The following NCAPD3 variants were observed in gnomAD, a reference collection of about 807,000 sequenced individuals.
NCAPD3 encodes the protein condensin-2 complex subunit D3.
Under a neutral mutation model 182.9 loss-of-function variants are expected in NCAPD3, and 105 were observed. The ratio of observed to expected loss-of-function variants is 0.57; its 90% CI spans 0.49 to 0.68. The LOEUF (loss-of-function observed/expected upper bound fraction) is 0.68, where lower values mean the gene tolerates loss of function less well. Among genes scored for constraint, NCAPD3 ranks in the 30% least tolerant of loss-of-function variants. NCAPD3 has a pLI of 0.00. For synonymous variants in NCAPD3, 815 were observed against 679.9 expected (o/e 1.20, Z -3.09); for missense variants, 1,944 against 1,837.0 (o/e 1.06, Z -1.07).
intron 15 of NCAPD3, 97 bp downstream of exon 15, chr11:134,193,919 A>T (rs1944573634): frequency 3.1e-6 from 4 of 1,305,042 alleles, no homozygotes; most frequent in Admixed American, 2.1e-5. Flanking sequence ...TAGAGTTTTT[A>T]AAGGTCAACT....
chr11:134,183,200 C>T (rs1266182815), intron 19 of NCAPD3: 2 of 455,604 alleles, frequency 4.4e-6, no homozygotes, highest in African/African-American at 2.0e-5. Context: ...TAGTTCTAGT[C>T]CCAGCTCTGC....
Position 134,204,889 on chromosome 11 carries a change from C to A in NCAPD3, c.1089+10G>T, listed in dbSNP as rs1004712003. ...TTCCATGTTATTAATATTACTAAGG[C>A]AAACAGTACCTTGGCACAGATGTGC... On this transcript the variant is annotated intron_variant, in intron 9 of 34. Coordinates refer to ENST00000534548, the MANE Select transcript of NCAPD3 (RefSeq NM_015261.3). The surrounding 1 kb of genome is among the most constrained non-coding windows in gnomAD (Gnocchi z 4.3). 1.9e-6 allele frequency: 3 copies of A among 1,598,980 alleles called. No individual in the cohort carries two copies. Among genetic ancestry groups the A allele is most frequent in the Non-Finnish European group, 2.6e-6 (3 of 1,166,908 alleles).
chr11:134,156,325 G>T (rs550174420), intron 32 of NCAPD3, among the ~76,000 whole-genome samples: 1 of 152,300 alleles, frequency 6.6e-6, no homozygotes, highest in East Asian at 1.9e-4. Flanking sequence ...GGCGCAGAGC[G>T]AGGGGCACAC....
At chr11:134,203,581 G>C in intron 11 of NCAPD3, 73 bp downstream of exon 11, 4 of 1,554,896 alleles carry the variant, frequency 2.6e-6, no homozygotes, top group Non-Finnish European at 3.5e-6. Context: ...CCACAGAAAA[G>C]AACGATTCCC....
intron 2 of NCAPD3, 89 bp downstream of exon 2, chr11:134,220,483 C>A: frequency 7.6e-7 from 1 of 1,318,158 alleles, no homozygotes; most frequent in South Asian, 1.4e-5. Flanking sequence ...GAACTGTACA[C>A]CAAGAAAGCT....
At chr11:134,210,198 G>T in intron 4 of NCAPD3, 72 bp downstream of exon 4, 2 of 1,352,168 alleles carry the variant, frequency 1.5e-6, no homozygotes, top group Non-Finnish European at 2.1e-6. Flanking sequence ...ACCATGTTTA[G>T]TATAAAGTCA....
intron 21 of NCAPD3, 39 bp downstream of exon 21, chr11:134,178,783 C>A (rs112478023): frequency 6.2e-7 from 1 of 1,608,128 alleles, no homozygotes; most frequent in East Asian, 2.2e-5. Flanking sequence ...AACCTTGAAA[C>A]GGCATGCGTG....
chr11:134,222,284 A>C (rs1938259514), intron 1 of NCAPD3, among the ~76,000 whole-genome samples: 1 of 152,254 alleles, frequency 6.6e-6, no homozygotes, highest in African/African-American at 2.4e-5. Flanking sequence ...TACATCACCT[A>C]TTCACTCAAC....
upstream of NCAPD3, chr11:134,224,469 G>GC (rs923235339): frequency 6.4e-6 from 1 of 155,186 alleles, no homozygotes; most frequent in Non-Finnish European, 1.4e-5. Context: ...TAGGGACTGC[G>GC]CGGCACGCGT....
In NCAPD3 at chr11:134,152,643, A is replaced by G. The variant is rs1179294702; in HGVS notation, c.*301T>C. 3.8e-6 allele frequency: 1 copy of G among 262,394 alleles called. No homozygotes were observed. The highest frequency in any genetic ancestry group is 7.1e-6 in the Non-Finnish European group (1 of 140,828). The allele number at this position is 262,394 out of a possible 1,614,324, so 16.3% of individuals were successfully genotyped here. A position where few individuals can be genotyped will look rare whatever the true frequency, so the allele number is the denominator to read the frequency against. On this transcript the variant is annotated 3_prime_UTR_variant, in exon 35 of 35. Transcript: ENST00000534548. Reference sequence around the variant, plus strand: ...GCAGTTTTAAAGTTGTGTTCCTTAAAGACCAGATTATAGCTTATCTGAATG... The same window carrying G: ...GCAGTTTTAAAGTTGTGTTCCTTAAGGACCAGATTATAGCTTATCTGAATG...
At chr11:134,203,115 A>T (rs758392221) in intron 12 of NCAPD3, 27 bp downstream of exon 12, 10 of 1,491,368 alleles carry the variant, frequency 6.7e-6, no homozygotes, top group Non-Finnish European at 9.3e-6. Context: ...TAATCATTCA[A>T]TATTTGAAAA....
chr11:134,203,698 G>C lies in NCAPD3; in HGVS notation c.1424C>G (p.Thr475Ser). 2 of 1,614,050 alleles carry C rather than the reference G, an allele frequency of 1.2e-6. No individual in the cohort carries two copies. The highest frequency in any genetic ancestry group is 1.7e-6 in the Non-Finnish European group (2 of 1,180,036). ...LSSFAHCLEL[T>S]VTSASESILE... ...GATACTCTCCGACGCACTGGTAACA[G>C]TCAACTCCAGACAGTGTGCAAAGCT... is the stretch of plus-strand genomic sequence containing the variant. The change falls in exon 11 of 35, where the codon ACT becomes AGT. Residue 475 changes from threonine (T) to serine (S), a missense_variant. By Grantham distance (58) the Thr-to-Ser change is moderately conservative (BLOSUM62 1). Transcript: ENST00000534548.
chr11:134,157,146 A>T, intron 31 of NCAPD3, 51 bp from the exon 32 acceptor site: 2 of 1,421,630 alleles, frequency 1.4e-6, no homozygotes, highest in South Asian at 2.4e-5. Context: ...ACAATAACGA[A>T]GAGCAAAACA....
intron 13 of NCAPD3, among the ~76,000 whole-genome samples, chr11:134,201,008 GA>G (rs973083701): frequency 2.0e-5 from 3 of 151,568 alleles, no homozygotes; most frequent in Non-Finnish European, 4.4e-5. Context: ...CATTTATGCG[GA>G]ATGTCCAGAA....
chr11:134,167,585 G>A (rs1383951527), intron 27 of NCAPD3, among the ~76,000 whole-genome samples: 5 of 130,606 alleles, frequency 3.8e-5, no homozygotes, highest in South Asian at 2.7e-4. Flanking sequence ...AGATGAGCTT[G>A]GGGGAGGGGC....
intron 13 of NCAPD3, among the ~76,000 whole-genome samples, chr11:134,194,968 A>T (rs1419140018): frequency 1.3e-5 from 2 of 152,206 alleles, no homozygotes; most frequent in African/African-American, 4.8e-5. Context: ...CTCAGCCCCT[A>T]CCTCTAAAAT....
At chr11:134,185,706 A>C in intron 16 of NCAPD3, among the ~76,000 whole-genome samples, 180 bp from the exon 17 acceptor site, 1 of 152,274 alleles carries the variant, frequency 6.6e-6, no homozygotes, top group East Asian at 1.9e-4. Context: ...GTATCTTTTA[A>C]ATTTTTATTA....
intron 23 of NCAPD3, 150 bp from the exon 24 acceptor site, chr11:134,176,536 C>T (rs1019975452): frequency 2.0e-5 from 13 of 651,248 alleles, no homozygotes; most frequent in Admixed American, 5.0e-5. Context: ...AATGTAGTGC[C>T]GAGAAGTGTA....
intron 27 of NCAPD3, among the ~76,000 whole-genome samples, chr11:134,166,963 C>A (rs1025053000): frequency 8.6e-6 from 1 of 116,282 alleles, no homozygotes; most frequent in African/African-American, 3.6e-5. Flanking sequence ...GTGAGATGAG[C>A]TTAGGGGAGC....
Sources: gnomAD v4.1 joint callset for allele counts (sites outside exome capture counted in the v4.1 genomes callset) on GRCh38, gnomAD v4.1.1 for gene constraint, Gnocchi (gnomAD v3.1) non-coding constraint, MANE v1.5 for transcripts, NCBI Gene and HGNC (gene_info 2026-07-23, HGNC 2026-07-21) for gene names.